Variants in TSC22D1 observed in about 807,000 individuals in gnomAD.
The protein encoded by TSC22D1 is TSC22 domain family member 1.
TSC22D1 carries 9 observed loss-of-function variants against 74.2 expected under a neutral mutation model. The observed-to-expected ratio is 0.12, with a 90% CI of 0.07 to 0.21. The LOEUF (loss-of-function observed/expected upper bound fraction) is 0.21, where lower values mean the gene tolerates loss of function less well. Among genes scored for constraint, TSC22D1 ranks in the 10% least tolerant of loss-of-function variants. The pLI is 1.00. For synonymous variants in TSC22D1, 586 were observed against 492.5 expected, an observed-to-expected ratio of 1.19 and a Z score of -2.51; for missense variants, 1,427 against 1,304.7, an observed-to-expected ratio of 1.09 and a Z score of -1.44.
intron 1 of TSC22D1, among the ~76,000 whole-genome samples, chr13:44,508,621 C>A (rs1595125504): frequency 6.6e-6 from 1 of 152,034 alleles, no homozygotes; most frequent in East Asian, 1.9e-4. Context: ...CTATGTTGCC[C>A]ACCACCCAGT....
intron 1 of TSC22D1, among the ~76,000 whole-genome samples, chr13:44,572,009 A>G (rs1434546135): frequency 6.6e-6 from 1 of 152,202 alleles, no homozygotes; most frequent in African/African-American, 2.4e-5. Flanking sequence ...AAACATACAT[A>G]TAGAATATAA....
chr13:44,465,285 A>G (rs1273264627), intron 1 of TSC22D1, among the ~76,000 whole-genome samples: 1 of 152,190 alleles, frequency 6.6e-6, no homozygotes, highest in Non-Finnish European at 1.5e-5. Flanking sequence ...GCAGGCTTAA[A>G]CTTTGTCTTT....
At chr13:44,510,172 T>C (rs1879645381) in intron 1 of TSC22D1, among the ~76,000 whole-genome samples, 2 of 149,984 alleles carry the variant, frequency 1.3e-5, no homozygotes, top group South Asian at 4.2e-4. Flanking sequence ...TCACCTGAGG[T>C]CGGGAGATCG....
chr13:44,539,007 A>G (rs1029631722), intron 1 of TSC22D1: 10 of 985,418 alleles, frequency 1.0e-5, no homozygotes, highest in Non-Finnish European at 9.6e-6. Flanking sequence ...CATTCTACCC[A>G]TTGTAGGTGA....
At chr13:44,477,529 C>T (rs2137923517) in intron 1 of TSC22D1, among the ~76,000 whole-genome samples, 1 of 152,038 alleles carries the variant, frequency 6.6e-6, no homozygotes, top group Non-Finnish European at 1.5e-5. Flanking sequence ...TACACCTTTT[C>T]TAGTTTATAA....
intron 1 of TSC22D1, among the ~76,000 whole-genome samples, chr13:44,516,129 T>C (rs138505399): frequency 6.6e-6 from 1 of 152,324 alleles, no homozygotes; most frequent in Non-Finnish European, 1.5e-5. Context: ...TCAAGTGTTT[T>C]AGCTATTAGT....
At chr13:44,451,807 C>A (rs61949771) in intron 1 of TSC22D1, among the ~76,000 whole-genome samples, 15,052 of 152,198 alleles carry the variant, frequency 0.099, 781 homozygotes, top group Non-Finnish European at 0.11. Context: ...CTATAGGGGG[C>A]ACAGCCCCTT....
intron 1 of TSC22D1, among the ~76,000 whole-genome samples, chr13:44,527,121 A>G (rs2138055461): frequency 6.6e-6 from 1 of 152,308 alleles, no homozygotes; most frequent in Non-Finnish European, 1.5e-5. Flanking sequence ...AGAGAAAAAA[A>G]GACTTTCTCA....
intron 1 of TSC22D1, among the ~76,000 whole-genome samples, chr13:44,446,501 G>A (rs926286294): frequency 4.6e-5 from 7 of 151,998 alleles, no homozygotes; most frequent in Non-Finnish European, 8.8e-5. Flanking sequence ...GGGGAGGGAG[G>A]GGAGCCAGGG....
rs1882848753 is a variant in TSC22D1 at position 44,558,709 on chromosome 13, C to T, written c.2912+14454G>A. 2.6e-5 allele frequency among the ~76,000 whole-genome samples: 4 copies of T among 152,256 alleles called. No individual in the cohort carries two copies. The South Asian group carries it at 8.3e-4, about 32-fold the overall frequency. On this transcript the variant is annotated intron_variant, in intron 1 of 2. Coordinates refer to ENST00000458659, the MANE Select transcript of TSC22D1 (RefSeq NM_183422.4). Reference sequence around the variant, plus strand: ...GAGCCGAGATTGTGCCACTGCACTCCAGCCTGGGTGACAGAGCAAGACTCC... The same window carrying T: ...GAGCCGAGATTGTGCCACTGCACTCTAGCCTGGGTGACAGAGCAAGACTCC...
At chr13:44,534,361 TAA>T (rs61378692) in intron 1 of TSC22D1, among the ~76,000 whole-genome samples, 13,665 of 107,030 alleles carry the variant, frequency 0.13, 663 homozygotes, top group Non-Finnish European at 0.15. Flanking sequence ...GACCCCGTCT[TAA>T]AAAAAAAAAA....
intron 1 of TSC22D1, chr13:44,436,812 A>T: frequency 7.2e-7 from 1 of 1,386,028 alleles, no homozygotes; most frequent in Non-Finnish European, 9.3e-7. Context: ...CAGTGCCGTG[A>T]AGAGGCGCTT....
intron 1 of TSC22D1, among the ~76,000 whole-genome samples, chr13:44,540,467 A>C (rs901138352): frequency 5.9e-5 from 9 of 152,202 alleles, no homozygotes; most frequent in Admixed American, 2.0e-4. Context: ...TATTATAGCA[A>C]TACAAAGCTA....
At chr13:44,552,794 C>G (rs527880746) in intron 1 of TSC22D1, among the ~76,000 whole-genome samples, 1 of 152,302 alleles carries the variant, frequency 6.6e-6, no homozygotes, top group East Asian at 1.9e-4. Flanking sequence ...CGAGACCATC[C>G]TGGCTAACAT....
At chr13:44,566,434 T>C (rs1269483540) in intron 1 of TSC22D1, among the ~76,000 whole-genome samples, 1 of 152,214 alleles carries the variant, frequency 6.6e-6, no homozygotes, top group Non-Finnish European at 1.5e-5. Context: ...TACTAACATT[T>C]TTCATCACTT....
intron 1 of TSC22D1, among the ~76,000 whole-genome samples, chr13:44,468,228 G>A (rs1397892708): frequency 1.3e-5 from 2 of 152,156 alleles, no homozygotes; most frequent in Non-Finnish European, 1.5e-5. Flanking sequence ...CAGAAGTGGG[G>A]TAGGTAGAAA....
At chr13:44,526,404 G>C (rs981992848) in intron 1 of TSC22D1, among the ~76,000 whole-genome samples, 1 of 151,626 alleles carries the variant, frequency 6.6e-6, no homozygotes, top group South Asian at 2.1e-4. Context: ...CATATTACCA[G>C]ATCATCTGCA....
At chr13:44,495,220 T>C (rs573125933) in intron 1 of TSC22D1, among the ~76,000 whole-genome samples, 1 of 151,584 alleles carries the variant, frequency 6.6e-6, no homozygotes, top group South Asian at 2.1e-4. Flanking sequence ...ACTTCCCAAA[T>C]TTGATAAGCC....
At chr13:44,511,456 C>A (rs1879711111) in intron 1 of TSC22D1, among the ~76,000 whole-genome samples, 1 of 152,172 alleles carries the variant, frequency 6.6e-6, no homozygotes, top group African/African-American at 2.4e-5. Context: ...ATCCACCCAG[C>A]TGTCTATCAT....
Sources: allele counts gnomAD v4.1 joint callset (sites outside exome capture counted in the v4.1 genomes callset), GRCh38; gene constraint gnomAD v4.1.1; transcripts MANE v1.5; gene names NCBI Gene and HGNC (gene_info 2026-07-23, HGNC 2026-07-21).